The following TTC17 variants were observed in gnomAD, a reference collection of about 807,000 sequenced individuals.
TTC17 encodes the protein tetratricopeptide repeat domain 17, also known as tetratricopeptide repeat protein 17.
A neutral mutation model predicts 143.8 loss-of-function variants in TTC17; 58 were observed. The ratio of observed to expected loss-of-function variants is 0.40; its 90% confidence interval spans 0.33 to 0.50. TTC17 has a LOEUF of 0.50. Among genes scored for constraint, TTC17 ranks in the 20% least tolerant of loss-of-function variants. The pLI, the probability that TTC17 is intolerant of heterozygous loss-of-function variation, is 0.49. For missense variants in TTC17, 1,273 were observed against 1,392.5 expected, an observed-to-expected ratio of 0.91 and a Z score of 1.37; for synonymous variants, 501 against 497.8, an observed-to-expected ratio of 1.01 and a Z score of -0.09.
chr11:43,438,573 C>T (rs1590420888), intron 16 of TTC17, among the ~76,000 whole-genome samples: 2 of 152,288 alleles, frequency 1.3e-5, no homozygotes, highest in East Asian at 3.9e-4. Flanking sequence ...CCTTACTTGC[C>T]TTCAGAAGCC....
chr11:43,385,456 G>A lies in TTC17; in HGVS notation c.250-4196G>A, dbSNP rs550928099. Reference sequence around the variant, plus strand: ...ACACAAATTTTTGAAAATCTTGAAGGCATTCTTAAATCACCCATGGTTTAA... The same window carrying A: ...ACACAAATTTTTGAAAATCTTGAAGACATTCTTAAATCACCCATGGTTTAA... On this transcript the variant is annotated intron_variant, in intron 2 of 23. Coordinates refer to ENST00000039989, the MANE Select transcript of TTC17 (RefSeq NM_018259.6). Among the ~76,000 whole-genome samples, 8 of 152,170 alleles carry A rather than the reference G, an allele frequency of 5.3e-5. No homozygotes were observed. In the South Asian group the frequency reaches 1.7e-3, roughly 32 times the overall value.
At chr11:43,403,427 T>C (rs966533550) in intron 10 of TTC17, among the ~76,000 whole-genome samples, 1 of 152,204 alleles carries the variant, frequency 6.6e-6, no homozygotes, top group African/African-American at 2.4e-5. Flanking sequence ...CACAAGCATC[T>C]TTGTAAGTAT....
chr11:43,381,774 A>G (rs576817771), intron 2 of TTC17, among the ~76,000 whole-genome samples: 2 of 152,308 alleles, frequency 1.3e-5, no homozygotes, highest in South Asian at 2.1e-4. Flanking sequence ...GATGATGGTC[A>G]TGGAATGATT....
chr11:43,438,932 G>A (rs1026228883), intron 16 of TTC17, among the ~76,000 whole-genome samples: 5 of 152,066 alleles, frequency 3.3e-5, no homozygotes, highest in African/African-American at 7.2e-5. Context: ...GTTTCTTCCC[G>A]GATAACCATT....
At chr11:43,404,441 G>A (rs1858017546) in intron 11 of TTC17, among the ~76,000 whole-genome samples, 1 of 152,130 alleles carries the variant, frequency 6.6e-6, no homozygotes, top group South Asian at 2.1e-4. Context: ...CTTGACCCAA[G>A]CGTATGTTTT....
intron 18 of TTC17, 118 bp downstream of exon 18, chr11:43,444,327 T>TG: frequency 9.6e-7 from 1 of 1,038,934 alleles, no homozygotes; most frequent in South Asian, 2.3e-5. Flanking sequence ...GGGCAAAGTG[T>TG]GGTCAAGAAA....
At chr11:43,405,070 A>T (rs940272954) in intron 11 of TTC17, among the ~76,000 whole-genome samples, 9 of 150,248 alleles carry the variant, frequency 6.0e-5, no homozygotes, top group African/African-American at 2.2e-4. Flanking sequence ...CAGTGATGTC[A>T]TCAGTGACCC....
At chr11:43,438,251 G>A (rs1297641110) in intron 16 of TTC17, among the ~76,000 whole-genome samples, 2 of 152,114 alleles carry the variant, frequency 1.3e-5, no homozygotes, top group Non-Finnish European at 2.9e-5. Flanking sequence ...TCCACTTCCC[G>A]TGTTCAAGCA....
chr11:43,388,276 CAT>C (rs1173088821), intron 2 of TTC17, among the ~76,000 whole-genome samples: 3 of 152,132 alleles, frequency 2.0e-5, no homozygotes, highest in Middle Eastern at 3.4e-3. Flanking sequence ...ATCTCAAAAA[CAT>C]ACATACTTTT....
intron 21 of TTC17, among the ~76,000 whole-genome samples, chr11:43,454,001 G>C (rs1590448931): frequency 6.6e-6 from 1 of 152,130 alleles, no homozygotes; most frequent in East Asian, 1.9e-4. Flanking sequence ...GTGTTGTACT[G>C]CTTTCTACTG....
At chr11:43,452,316 A>T (rs569452722) in intron 21 of TTC17, among the ~76,000 whole-genome samples, 1 of 152,322 alleles carries the variant, frequency 6.6e-6, no homozygotes, top group South Asian at 2.1e-4. Flanking sequence ...CCTGGCCAAC[A>T]TGGTGAAACC....
At chr11:43,403,662 A>C (rs1857973602) in intron 10 of TTC17, among the ~76,000 whole-genome samples, 2 of 152,176 alleles carry the variant, frequency 1.3e-5, no homozygotes. Context: ...TTAGTGTAGG[A>C]AGAAAAGGGG....
At chr11:43,365,805 T>C (rs1286878756) in intron 1 of TTC17, among the ~76,000 whole-genome samples, 2 of 152,208 alleles carry the variant, frequency 1.3e-5, no homozygotes, top group African/African-American at 4.8e-5. Flanking sequence ...GAGAGTATAA[T>C]GCAGGTAGAC....
intron 16 of TTC17, among the ~76,000 whole-genome samples, chr11:43,436,985 ACCTTCTATTCTCAT>A (rs1487364080): frequency 6.6e-6 from 1 of 151,872 alleles, no homozygotes; most frequent in Non-Finnish European, 1.5e-5. Flanking sequence ...CCTAACTTTG[ACCTTCTATTCTCAT>A]CCTTCTATGT....
chr11:43,486,532 A>G (rs1948384417), intron 21 of TTC17: 3 of 336,316 alleles, frequency 8.9e-6, no homozygotes, highest in Admixed American at 8.9e-5. Context: ...GTATACATGT[A>G]TGTCAGAGAT....
At position 43,450,157 on chromosome 11, in the gene TTC17, C is replaced by T; in HGVS notation, c.2862C>T (p.Pro954=). Reference sequence around the variant, plus strand: ...AGCCTCTTTGCAATGGCAATCTCCCCACGAGTATGCATACCCTGGACCACT... The same window carrying T: ...AGCCTCTTTGCAATGGCAATCTCCCTACGAGTATGCATACCCTGGACCACT... ...AMEPLCNGNL[P]TSMHTLDHLH... is the part of the protein sequence containing the mutation. The change falls in exon 20 of 24, where the codon CCC becomes CCT. Residue 954 remains proline, a synonymous_variant. Transcript: ENST00000039989. 6.2e-7 allele frequency: 1 copy of T among 1,614,178 alleles called. No homozygotes were observed. Among genetic ancestry groups the T allele is most frequent in the Non-Finnish European group, 8.5e-7 (1 of 1,180,026 alleles).
intron 16 of TTC17, among the ~76,000 whole-genome samples, chr11:43,418,688 C>T (rs1946833215): frequency 6.6e-6 from 1 of 151,864 alleles, no homozygotes. Flanking sequence ...AAAAGTGTCA[C>T]AGAATGAAAC....
chr11:43,430,704 T>TACACAC (rs1218079268), intron 16 of TTC17, among the ~76,000 whole-genome samples: 3 of 50,340 alleles, frequency 6.0e-5, no homozygotes, highest in Non-Finnish European at 8.7e-5. Context: ...ATCCCCTACA[T>TACACAC]ACACGCACAC....
chr11:43,407,689 C>T, intron 15 of TTC17, 112 bp downstream of exon 15: 1 of 1,018,712 alleles, frequency 9.8e-7, no homozygotes, highest in Non-Finnish European at 1.4e-6. Context: ...TTTTGTCTTT[C>T]ACAGTAGCGT....
Sources: gnomAD v4.1 joint callset for allele counts (sites outside exome capture counted in the v4.1 genomes callset) on GRCh38, gnomAD v4.1.1 for gene constraint, MANE v1.5 for transcripts, NCBI Gene and HGNC (gene_info 2026-07-23, HGNC 2026-07-21) for gene names.